The following LRBA variants were observed in gnomAD, a reference collection of about 807,000 sequenced individuals.
LRBA encodes the protein LPS responsive beige-like anchor protein.
In LRBA, 176 loss-of-function variants were observed where a neutral mutation model predicts 330.0. The ratio of observed to expected loss-of-function variants is 0.53; its 90% CI spans 0.47 to 0.60. The LOEUF is 0.60. Ranked by LOEUF, LRBA falls within the 20% of genes least tolerant of loss-of-function variation. The probability of loss-of-function intolerance (pLI) is 0.00; values close to 1 mark genes in which losing one functional copy is unlikely to be tolerated. For synonymous variants in LRBA, 1,230 were observed against 1,193.0 expected (o/e 1.03, Z -0.64); for missense variants, 3,259 against 3,444.8 (o/e 0.95, Z 1.35).
Position 150,385,065 on chromosome 4 carries a change from T to C in LRBA, c.7194+30373A>G, listed in dbSNP as rs140241257. Among the ~76,000 whole-genome samples, 45 of 152,334 alleles carry C rather than the reference T, an allele frequency of 3.0e-4. No individual in the cohort carries two copies. The East Asian group carries it at 6.7e-3, about 23-fold the overall frequency. ...TTACTTGAAAAATGAACAGCCAACA[T>C]TTATAGCATATTCAGAGAAAGTTAG... On this transcript the variant is annotated intron_variant, in intron 47 of 56. Transcript: ENST00000651943.
intron 37 of LRBA, among the ~76,000 whole-genome samples, chr4:150,626,319 A>G (rs748139991): frequency 6.6e-6 from 1 of 152,194 alleles, no homozygotes; most frequent in Non-Finnish European, 1.5e-5. Context: ...CTCATAACAT[A>G]TATACTAAAA....
intron 40 of LRBA, among the ~76,000 whole-genome samples, chr4:150,501,319 G>T (rs1210375086): frequency 1.3e-5 from 2 of 152,142 alleles, no homozygotes; most frequent in Admixed American, 6.6e-5. Context: ...TTCACTAAGT[G>T]TCTACAATCA....
intron 47 of LRBA, among the ~76,000 whole-genome samples, chr4:150,403,502 C>CT (rs1400391441): frequency 3.9e-5 from 6 of 152,192 alleles, no homozygotes; most frequent in South Asian, 2.1e-4. Flanking sequence ...CATCTTTTAA[C>CT]TTTTTTTATT....
intron 4 of LRBA, among the ~76,000 whole-genome samples, chr4:150,924,025 A>G (rs1733612818): frequency 6.6e-6 from 1 of 152,234 alleles, no homozygotes; most frequent in African/African-American, 2.4e-5. Flanking sequence ...ATTCCAAAGT[A>G]AAATAAAGTA....
chr4:150,565,901 T>C (rs1277808812), intron 40 of LRBA, among the ~76,000 whole-genome samples: 1 of 152,080 alleles, frequency 6.6e-6, no homozygotes, highest in Admixed American at 6.6e-5. Flanking sequence ...TTTCAAGTCT[T>C]TCTTCATTAA....
chr4:150,731,977 T>C (rs1321965628), intron 36 of LRBA, among the ~76,000 whole-genome samples: 2 of 152,158 alleles, frequency 1.3e-5, no homozygotes, highest in Non-Finnish European at 2.9e-5. Context: ...ATACCTACTA[T>C]GTACCCACAA....
chr4:150,308,716 ATGTTTT>A (rs1233209037), intron 52 of LRBA, among the ~76,000 whole-genome samples: 1 of 152,164 alleles, frequency 6.6e-6, no homozygotes, highest in Non-Finnish European at 1.5e-5. Flanking sequence ...CCTAACTTAT[ATGTTTT>A]TGTCTTCGTT....
chr4:150,372,404 G>A (rs1403949119), intron 47 of LRBA, among the ~76,000 whole-genome samples: 1 of 151,840 alleles, frequency 6.6e-6, no homozygotes, highest in Non-Finnish European at 1.5e-5. Flanking sequence ...AAGCCCAGGA[G>A]TTCAAGACCA....
chr4:150,441,398 C>G (rs1000277803), intron 44 of LRBA, among the ~76,000 whole-genome samples: 1 of 151,950 alleles, frequency 6.6e-6, no homozygotes, highest in African/African-American at 2.4e-5. Flanking sequence ...AATTTTACTA[C>G]GAAAAGCATA....
Position 150,924,465 on chromosome 4 carries a change from T to G in LRBA, c.550-3172A>C, listed in dbSNP as rs901770086. Reference sequence around the variant, plus strand: ...AGGCAGAGGTTGCAGGCAGCCGAGATAGCACCACTGTACTCCAACCTGGGT... The same window carrying G: ...AGGCAGAGGTTGCAGGCAGCCGAGAGAGCACCACTGTACTCCAACCTGGGT... On this transcript the variant is annotated intron_variant, in intron 4 of 56. Coordinates refer to ENST00000651943, the MANE Select transcript of LRBA (RefSeq NM_001364905.1). 4.6e-5 allele frequency among the ~76,000 whole-genome samples: 7 copies of G among 152,104 alleles called. No individual in the cohort carries two copies. In the South Asian group the frequency reaches 1.5e-3, roughly 32 times the overall value.
intron 36 of LRBA, among the ~76,000 whole-genome samples, chr4:150,696,033 C>A (rs973625898): frequency 1.3e-5 from 2 of 152,056 alleles, no homozygotes; most frequent in Non-Finnish European, 2.9e-5. Context: ...AGTTCAAAGC[C>A]AGCCTGGGCA....
chr4:150,705,714 C>T (rs887160193), intron 36 of LRBA, among the ~76,000 whole-genome samples: 3 of 151,986 alleles, frequency 2.0e-5, no homozygotes, highest in Non-Finnish European at 2.9e-5. Flanking sequence ...AACTCCACTG[C>T]TCCACTTAAG....
At chr4:150,869,599 G>C (rs891737979) in intron 20 of LRBA, among the ~76,000 whole-genome samples, 7 of 152,112 alleles carry the variant, frequency 4.6e-5, no homozygotes, top group African/African-American at 1.2e-4. Context: ...TGAGGCAGGA[G>C]AATCACTTGA....
chr4:150,963,987 G>A (rs887712557), intron 2 of LRBA, among the ~76,000 whole-genome samples: 10 of 147,634 alleles, frequency 6.8e-5, no homozygotes, highest in Middle Eastern at 3.4e-3. Context: ...TCTCTGCCCT[G>A]CCGCCACCCC....
intron 36 of LRBA, among the ~76,000 whole-genome samples, chr4:150,707,271 T>A (rs775350383): frequency 1.3e-4 from 20 of 151,626 alleles, no homozygotes; most frequent in Non-Finnish European, 2.5e-4. Flanking sequence ...GATTGAAAAA[T>A]TTTAAATACT....
intron 2 of LRBA, among the ~76,000 whole-genome samples, chr4:150,947,585 TA>T: frequency 6.6e-6 from 1 of 152,204 alleles, no homozygotes; most frequent in Admixed American, 6.5e-5. Context: ...TACTCAATGA[TA>T]AAAGACCGAG....
intron 37 of LRBA, among the ~76,000 whole-genome samples, chr4:150,642,535 T>C (rs1778780416): frequency 6.6e-6 from 1 of 151,894 alleles, no homozygotes. Context: ...GAAAGAAATG[T>C]TACTTTTCCA....
chr4:150,784,678 G>A (rs1738776626), intron 34 of LRBA, among the ~76,000 whole-genome samples: 2 of 152,034 alleles, frequency 1.3e-5, no homozygotes, highest in South Asian at 2.1e-4. Flanking sequence ...TTGGAGCCCC[G>A]CTCCCTCTGT....
At chr4:151,005,157 C>T (rs1170081523) in intron 2 of LRBA, among the ~76,000 whole-genome samples, 1 of 149,434 alleles carries the variant, frequency 6.7e-6, no homozygotes, top group Non-Finnish European at 1.5e-5. Context: ...TATAAAACAC[C>T]CTGTAATGGC....
Sources: gnomAD v4.1 joint callset for allele counts (sites outside exome capture counted in the v4.1 genomes callset) on GRCh38, gnomAD v4.1.1 for gene constraint, MANE v1.5 for transcripts, NCBI Gene and HGNC (gene_info 2026-07-23, HGNC 2026-07-21) for gene names.